Variants in ATP11B observed in about 807,000 individuals in gnomAD.
ATP11B encodes the protein ATPase phospholipid transporting 11B (putative).
A neutral mutation model predicts 157.8 loss-of-function variants in ATP11B; 81 were observed. The ratio of observed to expected loss-of-function variants is 0.51; its 90% confidence interval spans 0.43 to 0.62. The LOEUF (loss-of-function observed/expected upper bound fraction) is 0.62, where lower values mean the gene tolerates loss of function less well. ATP11B is among the 20% of genes least tolerant of loss of function. ATP11B has a pLI of 0.00. For synonymous variants in ATP11B, 451 were observed against 469.4 expected (o/e 0.96, Z 0.51); for missense variants, 1,165 against 1,402.2 (o/e 0.83, Z 2.70).
At position 182,896,741 on chromosome 3, in the gene ATP11B, C is replaced by CATGG; in HGVS notation, c.3025_3028dup (p.Val1010AspfsTer79). The stretch of plus-strand genomic sequence containing the variant: ...CATTTGGCACTTTGGTCTTCACAGT[C>CATGG]ATGGTTATTACAGTCACAGTAAAGG... On this transcript the variant is annotated frameshift_variant, in exon 26 of 30. Transcript: ENST00000323116. LOFTEE classifies it high-confidence loss of function. The CATGG allele has an allele frequency of 6.2e-7, 1 of 1,613,124 alleles. No homozygotes were observed. Among genetic ancestry groups the CATGG allele is most frequent in the Non-Finnish European group, 8.5e-7 (1 of 1,179,356 alleles).
chr3:182,912,363 C>G (rs549545052), intron 28 of ATP11B, among the ~76,000 whole-genome samples: 1 of 152,060 alleles, frequency 6.6e-6, no homozygotes, highest in African/African-American at 2.4e-5. Flanking sequence ...GACCATGTAT[C>G]CTGACTTCAC....
chr3:182,866,571 C>A, intron 14 of ATP11B, 128 bp downstream of exon 14: 1 of 711,458 alleles, frequency 1.4e-6, no homozygotes, highest in Non-Finnish European at 2.1e-6. Context: ...CATATAAATA[C>A]ATAAAAATAG....
intron 1 of ATP11B, among the ~76,000 whole-genome samples, chr3:182,794,602 AC>A (rs1715482609): frequency 6.6e-6 from 1 of 152,184 alleles, no homozygotes; most frequent in Non-Finnish European, 1.5e-5. Flanking sequence ...GACACCACCA[AC>A]AAAAAATCTT....
Position 182,918,015 on chromosome 3 carries a change from T to TA in ATP11B, c.3453-7dup. 1.9e-6 allele frequency: 3 copies of TA among 1,612,300 alleles called. No homozygotes were observed. Among genetic ancestry groups the TA allele is most frequent in the Non-Finnish European group, 2.5e-6 (3 of 1,178,966 alleles). On this transcript the variant is annotated splice_polypyrimidine_tract_variant and splice_region_variant and intron_variant, in intron 29 of 29. Transcript: ENST00000323116. ...GTGAGCCAAACTTTTCTCTTATTGT[T>TA]ACTTTAGATCATGGAGTGCATCGGA...
Position 182,858,046 on chromosome 3 carries a change from T to G in ATP11B, c.1002+18T>G, listed in dbSNP as rs750913009. ...GCAGTAAGGTATTTTATGGTGTTAT[T>G]GACTGTGTCATAAAGGAAACTATTA... On this transcript the variant is annotated intron_variant, in intron 11 of 29. Coordinates refer to ENST00000323116, the MANE Select transcript of ATP11B (RefSeq NM_014616.3). The G allele has an allele frequency of 4.4e-6, 7 of 1,597,952 alleles. No homozygotes were observed. Among genetic ancestry groups the G allele is most frequent in the Admixed American group, 1.7e-5 (1 of 59,502 alleles).
chr3:182,828,368 A>G (rs1296689525), intron 3 of ATP11B, among the ~76,000 whole-genome samples, 159 bp downstream of exon 3: 1 of 151,994 alleles, frequency 6.6e-6, no homozygotes, highest in Non-Finnish European at 1.5e-5. Context: ...GATCTGTCAT[A>G]TCTAGATTTC....
At position 182,872,622 on chromosome 3, in the gene ATP11B, C is replaced by T. The variant is rs917039060; in HGVS notation, c.2048+85C>T. ...TATTCTAATATGTGACATAAATTCT[C>T]TTTACTAACATCCCATGATATATTT... On this transcript the variant is annotated intron_variant, in intron 18 of 29. Transcript: ENST00000323116. 6 of 1,126,808 alleles carry T rather than the reference C, an allele frequency of 5.3e-6. No homozygotes were observed. The African/African-American group carries it at 9.4e-5, about 18-fold the overall frequency. 69.8% of individuals were successfully genotyped at this position (1,126,808 alleles called of 1,614,324 possible). A position where few individuals can be genotyped will look rare whatever the true frequency, so the allele number is the denominator to read the frequency against.
intron 1 of ATP11B, among the ~76,000 whole-genome samples, chr3:182,810,175 T>C (rs1328271079): frequency 6.6e-6 from 1 of 151,914 alleles, no homozygotes; most frequent in Non-Finnish European, 1.5e-5. Context: ...CTACTAAAAA[T>C]ACAAAAGATA....
At chr3:182,846,508 G>A (rs779141239) in intron 9 of ATP11B, among the ~76,000 whole-genome samples, 7 of 152,088 alleles carry the variant, frequency 4.6e-5, no homozygotes, top group African/African-American at 1.2e-4. Flanking sequence ...GTGTTCAAAC[G>A]AAAACTTCTA....
At chr3:182,827,610 G>C (rs921178737) in intron 2 of ATP11B, among the ~76,000 whole-genome samples, 2 of 151,432 alleles carry the variant, frequency 1.3e-5, no homozygotes, top group Non-Finnish European at 2.9e-5. Context: ...TTATCGCGGC[G>C]ATCACTTATC....
At chr3:182,884,723 T>C (rs368641606) in intron 21 of ATP11B, 30 bp from the exon 22 acceptor site, 105 of 1,565,968 alleles carry the variant, frequency 6.7e-5, no homozygotes, top group Non-Finnish European at 8.6e-5. Context: ...CAGTTATCAG[T>C]GAACATGTCT....
chr3:182,914,389 CAACAT>C, intron 29 of ATP11B: 1 of 986,462 alleles, frequency 1.0e-6, no homozygotes, highest in Non-Finnish European at 1.2e-6. Flanking sequence ...AAAATAATCT[CAACAT>C]AACAGTGAAG....
At chr3:182,820,627 C>T (rs1717275066) in intron 2 of ATP11B, among the ~76,000 whole-genome samples, 2 of 151,982 alleles carry the variant, frequency 1.3e-5, no homozygotes, top group Non-Finnish European at 2.9e-5. Flanking sequence ...TGTGATTGTG[C>T]CACTGCACTC....
chr3:182,912,800 A>G (rs1724883218), intron 28 of ATP11B, among the ~76,000 whole-genome samples: 2 of 152,264 alleles, frequency 1.3e-5, no homozygotes, highest in African/African-American at 2.4e-5. Context: ...GTGATTCCCA[A>G]CCTTCGTGGA....
chr3:182,801,366 G>A (rs971158238), intron 1 of ATP11B, among the ~76,000 whole-genome samples: 3 of 152,158 alleles, frequency 2.0e-5, no homozygotes, highest in African/African-American at 7.2e-5. Context: ...GGAAAAGTTA[G>A]GAACAGAAAC....
chr3:182,913,799 C>G, intron 28 of ATP11B, 62 bp from the exon 29 acceptor site: 2 of 1,612,502 alleles, frequency 1.2e-6, no homozygotes, highest in Admixed American at 1.7e-5. Flanking sequence ...TTGTAATGTT[C>G]TAATGCTTTT....
At chr3:182,867,578 A>ATTTTT in intron 15 of ATP11B, 134 bp downstream of exon 15, 2 of 232,996 alleles carry the variant, frequency 8.6e-6, no homozygotes, top group South Asian at 1.1e-4. Flanking sequence ...AAGTCACATT[A>ATTTTT]CTTTTTTTTT....
At chr3:182,870,945 G>A (rs995269735) in intron 17 of ATP11B, among the ~76,000 whole-genome samples, 6 of 143,274 alleles carry the variant, frequency 4.2e-5, no homozygotes, top group Non-Finnish European at 7.6e-5. Context: ...AAAAAAAAAA[G>A]AAATCTGCTA....
Position 182,859,230 on chromosome 3 carries a change from A to G in ATP11B, c.1071A>G (p.Leu357=), listed in dbSNP as rs878910089. The G allele has an allele frequency of 8.7e-6, 14 of 1,612,714 alleles. No individual in the cohort carries two copies. The highest frequency in any genetic ancestry group is 8.3e-5 in the Admixed American group (5 of 59,932). Residue 357 remains leucine (L), a synonymous_variant, in exon 12 of 30, where the codon TTA becomes TTG. Transcript: ENST00000323116. ...VLYNFIIPIS[L]YVTVEMQKFL... ...ACAATTTCATCATTCCAATTTCATT[A>G]TATGTGACAGTCGAAATGCAGAAAT... is the stretch of plus-strand genomic sequence containing the variant.
Sources: allele counts gnomAD v4.1 joint callset (sites outside exome capture counted in the v4.1 genomes callset), GRCh38; gene constraint gnomAD v4.1.1; transcripts MANE v1.5; gene names NCBI Gene and HGNC (gene_info 2026-07-23, HGNC 2026-07-21).